The following FAM118A variants were observed in gnomAD, a reference collection of about 807,000 sequenced individuals.
The protein encoded by FAM118A is protein FAM118A.
FAM118A carries 25 observed loss-of-function variants against 38.2 expected under a neutral mutation model. The observed-to-expected ratio is 0.65, with a 90% CI of 0.48 to 0.91. The LOEUF is 0.91. Ranked by LOEUF, FAM118A falls within the 40% of genes least tolerant of loss-of-function variation. The pLI is 0.00. For missense variants in FAM118A, 425 were observed against 463.3 expected (o/e 0.92, Z 0.76); for synonymous variants, 178 against 184.1 (o/e 0.97, Z 0.27).
intron 1 of FAM118A, among the ~76,000 whole-genome samples, chr22:45,312,908 G>A (rs751965313): frequency 6.6e-6 from 1 of 152,058 alleles, no homozygotes; most frequent in Non-Finnish European, 1.5e-5. Flanking sequence ...TTATGGAGAC[G>A]ACTTAAGCAT....
intron 8 of FAM118A, among the ~76,000 whole-genome samples, chr22:45,336,658 T>TA (rs1469399561): frequency 1.3e-5 from 2 of 152,080 alleles, no homozygotes; most frequent in East Asian, 3.8e-4. Context: ...AAACATACAC[T>TA]AAGAAGGTGC....
At chr22:45,327,546 C>A (rs2085365087) in intron 3 of FAM118A, among the ~76,000 whole-genome samples, 1 of 152,190 alleles carries the variant, frequency 6.6e-6, no homozygotes. Flanking sequence ...CCTCCTCAGG[C>A]CCCTGTTCAG....
intron 3 of FAM118A, among the ~76,000 whole-genome samples, chr22:45,324,114 A>G (rs964029508): frequency 6.6e-6 from 1 of 152,114 alleles, no homozygotes; most frequent in South Asian, 2.1e-4. Context: ...ACGGGAGGAG[A>G]TGTTGGACGT....
chr22:45,322,480 T>G, intron 2 of FAM118A, 54 bp downstream of exon 2: 5 of 1,479,786 alleles, frequency 3.4e-6, no homozygotes, highest in Non-Finnish European at 4.7e-6. Context: ...ATCTAGCGTC[T>G]CTCGTGAGTG....
intron 3 of FAM118A, 126 bp from the exon 4 acceptor site, chr22:45,327,716 G>T (rs576305871): frequency 6.5e-6 from 6 of 926,248 alleles, no homozygotes; most frequent in Admixed American, 6.4e-5. Context: ...TGCGGCGCAC[G>T]CTGTGAAGCC....
chr22:45,321,932 C>T (rs745443644), intron 1 of FAM118A: 18 of 307,226 alleles, frequency 5.9e-5, no homozygotes, highest in African/African-American at 2.6e-4. Context: ...TTAGAGCACT[C>T]GTTGGCTTCC....
chr22:45,321,203 A>C (rs974353217), intron 1 of FAM118A, among the ~76,000 whole-genome samples: 1 of 151,438 alleles, frequency 6.6e-6, no homozygotes, highest in Non-Finnish European at 1.5e-5. Flanking sequence ...TGCAACCTCC[A>C]CCTCCTGGGT....
chr22:45,330,879 C>T (rs977734042), intron 5 of FAM118A, 148 bp downstream of exon 5: 12 of 787,568 alleles, frequency 1.5e-5, no homozygotes, highest in East Asian at 3.4e-5. Flanking sequence ...GGAGGGGCCA[C>T]GTCTCTTGTC....
At chr22:45,331,996 G>A (rs1356978825) in intron 5 of FAM118A, among the ~76,000 whole-genome samples, 1 of 152,122 alleles carries the variant, frequency 6.6e-6, no homozygotes, top group Non-Finnish European at 1.5e-5. Flanking sequence ...TGTTTTATGT[G>A]CATAATTCTG....
At chr22:45,327,085 A>T (rs1295424342) in intron 3 of FAM118A, among the ~76,000 whole-genome samples, 3 of 151,492 alleles carry the variant, frequency 2.0e-5, no homozygotes. Flanking sequence ...ATTTTTAAAA[A>T]ATATAATGAG....
intron 1 of FAM118A, among the ~76,000 whole-genome samples, chr22:45,311,579 T>C (rs1044017792): frequency 6.6e-6 from 1 of 152,060 alleles, no homozygotes; most frequent in Admixed American, 6.5e-5. Flanking sequence ...TGAGAGCCAG[T>C]CAGGACCAAA....
At chr22:45,309,100 C>A (rs1255902345), upstream of FAM118A, 2 of 152,280 alleles carry the variant, frequency 1.3e-5, no homozygotes, top group Non-Finnish European at 2.9e-5. Flanking sequence ...TAGGATCACA[C>A]CCTTTACGGA....
Position 45,332,528 on chromosome 22 carries a change from C to T in FAM118A, c.755C>T (p.Pro252Leu), listed in dbSNP as rs774164516. ...IFQALFLYSVPNKVDLEHYML... is the reference protein window; with the variant it reads ...IFQALFLYSVLNKVDLEHYML... ...CAGGCCCTCTTTCTTTACTCCGTGC[C>T]GAATAAGGTGGATTTGGAGCACTAC... The change falls in exon 6 of 9, where the codon CCG becomes CTG. Residue 252 changes from proline to leucine, a missense_variant. Transcript: ENST00000441876. The T allele has an allele frequency of 1.6e-5, 26 of 1,614,062 alleles. No individual in the cohort carries two copies. Among genetic ancestry groups the T allele is most frequent in the South Asian group, 5.5e-5 (5 of 91,070 alleles).
At chr22:45,312,606 T>C (rs1158122431) in intron 1 of FAM118A, among the ~76,000 whole-genome samples, 3 of 152,162 alleles carry the variant, frequency 2.0e-5, no homozygotes, top group African/African-American at 7.2e-5. Flanking sequence ...CCCGGAAGGC[T>C]GAGGTTGCAA....
Position 45,336,395 on chromosome 22 carries a change from C to T in FAM118A, c.1038C>T (p.Arg346=), listed in dbSNP as rs202111249. 66 of 1,613,564 alleles carry T rather than the reference C, an allele frequency of 4.1e-5. No individual in the cohort carries two copies. Among genetic ancestry groups the T allele is most frequent in the Non-Finnish European group, 6.8e-6 (8 of 1,179,566 alleles). ...ATGGAATTGAAGTTTCAAAAAAACG[C>T]ACACAATCAGATACTGGTATTGTGT... is the stretch of plus-strand genomic sequence containing the variant. ...EENGIEVSKK[R]TQSDTDDAGG... Residue 346 remains arginine (R), a synonymous_variant, in exon 8 of 9, where the codon CGC becomes CGT. Transcript: ENST00000441876.
At chr22:45,338,418 G>A (rs1356857931) in intron 8 of FAM118A, among the ~76,000 whole-genome samples, 2 of 152,102 alleles carry the variant, frequency 1.3e-5, no homozygotes, top group African/African-American at 4.8e-5. Flanking sequence ...TAGTAGAGAT[G>A]GGGTTTCACT....
rs2146698028 is a variant in FAM118A at position 45,332,624 on chromosome 22, A to G, written c.851A>G (p.Lys284Arg). 6.2e-7 allele frequency: 1 copy of G among 1,614,222 alleles called. No homozygotes were observed. Among genetic ancestry groups the G allele is most frequent in the Non-Finnish European group, 8.5e-7 (1 of 1,180,044 alleles). ...GCAGATATGCTTCTGCACGGAATCAAAGTTGTATCCTACGGGGACTGTTTT... is the reference window on the plus strand; with the variant it reads ...GCAGATATGCTTCTGCACGGAATCAGAGTTGTATCCTACGGGGACTGTTTT... The part of the protein sequence containing the change: ...HQADMLLHGI[K>R]VVSYGDCFDH... Residue 284 changes from lysine (K) to arginine (R), a missense_variant, in exon 6 of 9, where the codon AAA becomes AGA. Coordinates refer to ENST00000441876, the MANE Select transcript of FAM118A (RefSeq NM_017911.4).
At chr22:45,334,776 C>T (rs2085968561) in intron 6 of FAM118A, among the ~76,000 whole-genome samples, 1 of 152,208 alleles carries the variant, frequency 6.6e-6, no homozygotes, top group African/African-American at 2.4e-5. Flanking sequence ...TGGCACCGGC[C>T]CACATGTGTG....
chr22:45,323,723 T>A (rs1047328449), intron 3 of FAM118A, among the ~76,000 whole-genome samples: 9 of 152,270 alleles, frequency 5.9e-5, no homozygotes, highest in African/African-American at 2.2e-4. Context: ...TGTGATTGTA[T>A]ATTCACTTAG....
Sources: gnomAD v4.1 joint callset for allele counts (sites outside exome capture counted in the v4.1 genomes callset) on GRCh38, gnomAD v4.1.1 for gene constraint, MANE v1.5 for transcripts, NCBI Gene and HGNC (gene_info 2026-07-23, HGNC 2026-07-21) for gene names.